BAZ2B: variants seen among roughly 807,000 people sequenced by gnomAD.
BAZ2B encodes the protein bromodomain adjacent to zinc finger domain protein 2B.
In BAZ2B, 91 loss-of-function variants were observed where a neutral mutation model predicts 246.0. The ratio of observed to expected loss-of-function variants is 0.37; its 90% confidence interval spans 0.31 to 0.44. The LOEUF (loss-of-function observed/expected upper bound fraction) is 0.44. Ranked by LOEUF, BAZ2B falls within the 20% of genes least tolerant of loss-of-function variation. The pLI is 1.00. For missense variants in BAZ2B, 2,332 were observed against 2,533.7 expected, an observed-to-expected ratio of 0.92 and a Z score of 1.71; for synonymous variants, 855 against 860.0, an observed-to-expected ratio of 0.99 and a Z score of 0.10.
intron 1 of BAZ2B, among the ~76,000 whole-genome samples, chr2:159,558,895 T>G (rs1156509557): frequency 6.6e-6 from 1 of 152,066 alleles, no homozygotes; most frequent in Non-Finnish European, 1.5e-5. Flanking sequence ...ACAGGAAACA[T>G]TCTCTCTAAA....
chr2:159,587,245 A>AT (rs898625059), intron 1 of BAZ2B, among the ~76,000 whole-genome samples: 9 of 151,626 alleles, frequency 5.9e-5, no homozygotes, highest in Non-Finnish European at 7.4e-5. Context: ...CGCCTGGCTA[A>AT]TTTTTTTTGT....
At chr2:159,481,515 ATT>A (rs1475680175) in intron 2 of BAZ2B, among the ~76,000 whole-genome samples, 1 of 151,852 alleles carries the variant, frequency 6.6e-6, no homozygotes, top group Non-Finnish European at 1.5e-5. Context: ...GAAACAGGAT[ATT>A]TGCATAGTCT....
chr2:159,493,002 T>G (rs990724099), intron 2 of BAZ2B, among the ~76,000 whole-genome samples: 4 of 152,194 alleles, frequency 2.6e-5, no homozygotes, highest in Non-Finnish European at 4.4e-5. Flanking sequence ...CTTTTGATCC[T>G]CAAAATACAG....
intron 6 of BAZ2B, among the ~76,000 whole-genome samples, chr2:159,443,120 C>T (rs1018340831): frequency 2.0e-5 from 3 of 152,166 alleles, no homozygotes; most frequent in Non-Finnish European, 4.4e-5. Flanking sequence ...CTGTTTTCCA[C>T]AGTGGCAGTA....
chr2:159,448,431 C>T (rs768605184), intron 4 of BAZ2B, 22 bp from the exon 5 acceptor site: 6 of 1,522,916 alleles, frequency 3.9e-6, no homozygotes, highest in Non-Finnish European at 5.3e-6. Flanking sequence ...ACAAACCAAC[C>T]AAACAAAAAT....
intron 1 of BAZ2B, among the ~76,000 whole-genome samples, chr2:159,572,901 A>T (rs1459216709): frequency 6.6e-6 from 1 of 152,180 alleles, no homozygotes; most frequent in Non-Finnish European, 1.5e-5. Context: ...CCTAAGCAAC[A>T]TGAGAATGAG....
At chr2:159,571,367 T>C (rs757028023) in intron 1 of BAZ2B, among the ~76,000 whole-genome samples, 8 of 152,074 alleles carry the variant, frequency 5.3e-5, no homozygotes, top group Non-Finnish European at 1.0e-4. Flanking sequence ...CCCTATAATA[T>C]ATAGTAGATG....
chr2:159,337,730 C>A lies in BAZ2B; in HGVS notation c.5497G>T (p.Val1833Leu), dbSNP rs752825873. 2 of 1,614,158 alleles carry A rather than the reference C, an allele frequency of 1.2e-6. No homozygotes were observed. The highest frequency in any genetic ancestry group is 1.7e-6 in the Non-Finnish European group (2 of 1,180,010). Residue 1833 changes from valine to leucine, a missense_variant, in exon 32 of 37, where the codon GTA becomes TTA. Transcript: ENST00000392783. ...GTAAATGATTTATGTTCAAAATATACCAAGTCCTCCCTTTCTGATGCAGGC... is the reference window on the plus strand; with the variant it reads ...GTAAATGATTTATGTTCAAAATATAACAAGTCCTCCCTTTCTGATGCAGGC... ...PEPASEREDL[V>L]YFEHKSFTKL...
intron 20 of BAZ2B, among the ~76,000 whole-genome samples, chr2:159,392,726 A>T (rs1210867953): frequency 2.6e-5 from 4 of 152,204 alleles, no homozygotes; most frequent in Non-Finnish European, 5.9e-5. Flanking sequence ...ATGCCATGGC[A>T]TATAAAAATT....
intron 1 of BAZ2B, among the ~76,000 whole-genome samples, chr2:159,598,541 C>T (rs1691316788): frequency 1.3e-5 from 2 of 152,252 alleles, no homozygotes; most frequent in South Asian, 2.1e-4. Context: ...GGGGGAAATA[C>T]TGATCAAAAA....
At chr2:159,701,816 C>T in the BAZ2B span, among the ~76,000 whole-genome samples, 1 of 151,652 alleles carries the variant, frequency 6.6e-6, no homozygotes, top group Admixed American at 6.6e-5. Flanking sequence ...GCAACCTCCA[C>T]CTCCCAGGTT....
chr2:159,349,968 C>A lies in BAZ2B; in HGVS notation c.4603G>T (p.Gly1535Cys). The A allele has an allele frequency of 6.2e-7, 1 of 1,614,184 alleles. No homozygotes were observed. The highest frequency in any genetic ancestry group is 8.5e-7 in the Non-Finnish European group (1 of 1,180,008). The change falls in exon 28 of 37, where the codon GGT becomes TGT. Residue 1535 changes from glycine to cysteine, a missense_variant. By Grantham distance (159) the Gly-to-Cys change is radical. Around this residue, in one of 9 missense-constraint regions of BAZ2B, gnomAD observed 676 missense variants for 668.6 expected, o/e 1.01. Transcript: ENST00000392783. The stretch of plus-strand genomic sequence containing the variant: ...AGAGGACTGTAGAACTTCCCTGGAC[C>A]ACTTGAACCAGTATTAAACAGATTA... ...SNNLFNTGSS[G>C]PGKFYSPLPN...
intron 1 of BAZ2B, among the ~76,000 whole-genome samples, chr2:159,612,858 C>T (rs1694990831): frequency 6.6e-6 from 1 of 152,140 alleles, no homozygotes. Flanking sequence ...TGCTCCTTTA[C>T]ACTGCAGTTC....
chr2:159,448,112 A>G, intron 5 of BAZ2B, 130 bp downstream of exon 5: 1 of 1,047,122 alleles, frequency 9.5e-7, no homozygotes, highest in Non-Finnish European at 1.3e-6. Flanking sequence ...CAAAAGAGTG[A>G]GACCTTGTCT....
chr2:159,424,221 C>A (rs901222752), intron 13 of BAZ2B, among the ~76,000 whole-genome samples: 1 of 151,960 alleles, frequency 6.6e-6, no homozygotes, highest in Admixed American at 6.6e-5. Flanking sequence ...AAGATTTTAT[C>A]TTTTCTGAAA....
chr2:159,359,111 C>T (rs181132607), intron 27 of BAZ2B, among the ~76,000 whole-genome samples: 1 of 152,190 alleles, frequency 6.6e-6, no homozygotes, highest in East Asian at 1.9e-4. Flanking sequence ...AAGATCAGAG[C>T]AGAACTAAAG....
the BAZ2B span, among the ~76,000 whole-genome samples, chr2:159,676,995 T>C: frequency 7.5e-6 from 1 of 133,578 alleles, no homozygotes; most frequent in Non-Finnish European, 1.6e-5. Flanking sequence ...TATATATATA[T>C]TACAATTTTT....
intron 27 of BAZ2B, among the ~76,000 whole-genome samples, chr2:159,363,180 TG>T (rs1226919711): frequency 6.6e-6 from 1 of 152,196 alleles, no homozygotes; most frequent in African/African-American, 2.4e-5. Flanking sequence ...CTAATAACAC[TG>T]GGGCTGATGT....
At chr2:159,578,668 G>A (rs967009580) in intron 1 of BAZ2B, among the ~76,000 whole-genome samples, 5 of 152,210 alleles carry the variant, frequency 3.3e-5, no homozygotes, top group Non-Finnish European at 7.4e-5. Context: ...TGACCACACA[G>A]TTGGAAGTAA....
Sources: gnomAD v4.1 joint callset for allele counts (sites outside exome capture counted in the v4.1 genomes callset) on GRCh38, gnomAD v4.1.1 for gene constraint, gnomAD v4.1.1 regional missense constraint, MANE v1.5 for transcripts, NCBI Gene and HGNC (gene_info 2026-07-23, HGNC 2026-07-21) for gene names.